WDR70: variants seen among roughly 807,000 people sequenced by gnomAD.
The protein encoded by WDR70 is WD repeat-containing protein 70.
A neutral mutation model predicts 88.6 loss-of-function variants in WDR70; 53 were observed. That is an observed-to-expected ratio of 0.60 (90% CI 0.48 to 0.75). The LOEUF (loss-of-function observed/expected upper bound fraction) is 0.75. Ranked by LOEUF, WDR70 falls within the 30% of genes least tolerant of loss-of-function variation. The pLI, the probability that WDR70 is intolerant of heterozygous loss-of-function variation, is 0.00. For missense variants in WDR70, 610 were observed against 823.2 expected, an observed-to-expected ratio of 0.74 and a Z score of 3.17; for synonymous variants, 280 against 270.0, an observed-to-expected ratio of 1.04 and a Z score of -0.36.
chr5:37,450,231 A>T (rs1738632651), intron 7 of WDR70, among the ~76,000 whole-genome samples: 2 of 152,192 alleles, frequency 1.3e-5, no homozygotes, highest in South Asian at 4.1e-4. Context: ...TCTTTATAGT[A>T]GAATGATTTA....
At chr5:37,525,829 C>G (rs1741250498) in intron 9 of WDR70, among the ~76,000 whole-genome samples, 1 of 152,152 alleles carries the variant, frequency 6.6e-6, no homozygotes, top group Admixed American at 6.5e-5. Flanking sequence ...GAAATACAAA[C>G]TACCATCAGA....
chr5:37,460,690 T>TAA (rs70978819), intron 7 of WDR70, among the ~76,000 whole-genome samples: 81 of 121,564 alleles, frequency 6.7e-4, no homozygotes, highest in Admixed American at 2.5e-3. Flanking sequence ...TAGAGTATAA[T>TAA]AAAAAAAAAC....
intron 13 of WDR70, among the ~76,000 whole-genome samples, chr5:37,708,881 G>A (rs1447655963): frequency 2.0e-5 from 3 of 152,176 alleles, no homozygotes; most frequent in African/African-American, 7.2e-5. Flanking sequence ...TACTATGCCT[G>A]TGAAAGTTTG....
chr5:37,729,946 G>C (rs1318725423), intron 17 of WDR70, among the ~76,000 whole-genome samples: 2 of 152,020 alleles, frequency 1.3e-5, no homozygotes, highest in East Asian at 3.9e-4. Flanking sequence ...TTTAGTTCCT[G>C]GTGTATCTTT....
chr5:37,502,992 C>T (rs895519028), intron 8 of WDR70, among the ~76,000 whole-genome samples: 11 of 152,170 alleles, frequency 7.2e-5, no homozygotes, highest in African/African-American at 2.4e-4. Flanking sequence ...GGGACAAATA[C>T]ACAAACTATA....
At chr5:37,466,282 T>C (rs1431814512) in intron 7 of WDR70, among the ~76,000 whole-genome samples, 1 of 152,214 alleles carries the variant, frequency 6.6e-6, no homozygotes, top group Non-Finnish European at 1.5e-5. Flanking sequence ...TCATTTTTCA[T>C]CTATATTATG....
At chr5:37,425,296 G>C (rs1362457619) in intron 5 of WDR70, among the ~76,000 whole-genome samples, 1 of 152,202 alleles carries the variant, frequency 6.6e-6, no homozygotes, top group East Asian at 1.9e-4. Flanking sequence ...AAAGCTGTAA[G>C]TGCTATAGGG....
At chr5:37,542,780 T>C (rs1016670370) in intron 9 of WDR70, among the ~76,000 whole-genome samples, 3 of 152,174 alleles carry the variant, frequency 2.0e-5, no homozygotes, top group Non-Finnish European at 4.4e-5. Flanking sequence ...TAAAGATACA[T>C]TTTTGGGACA....
At chr5:37,476,842 C>T (rs1401899385) in intron 7 of WDR70, among the ~76,000 whole-genome samples, 2 of 151,938 alleles carry the variant, frequency 1.3e-5, no homozygotes, top group Non-Finnish European at 2.9e-5. Flanking sequence ...CTGGCCTTTT[C>T]TTCTTTTTTT....
chr5:37,685,055 A>G (rs1252345767), intron 10 of WDR70, among the ~76,000 whole-genome samples: 1 of 151,780 alleles, frequency 6.6e-6, no homozygotes, highest in Non-Finnish European at 1.5e-5. Context: ...TTGGCTGCTC[A>G]GGGTTGGGGA....
At chr5:37,738,804 A>G (rs972378023) in intron 17 of WDR70, among the ~76,000 whole-genome samples, 4 of 152,320 alleles carry the variant, frequency 2.6e-5, no homozygotes, top group Non-Finnish European at 5.9e-5. Context: ...ATCAAGGGGA[A>G]ATTTAATCAG....
intron 17 of WDR70, among the ~76,000 whole-genome samples, chr5:37,751,221 T>C (rs1175522591): frequency 1.3e-5 from 2 of 152,198 alleles, no homozygotes; most frequent in African/African-American, 2.4e-5. Context: ...TGTTGTAGCA[T>C]GTTAGAAAGC....
intron 6 of WDR70, among the ~76,000 whole-genome samples, chr5:37,439,771 C>T (rs1349078890): frequency 6.6e-6 from 1 of 151,786 alleles, no homozygotes; most frequent in Non-Finnish European, 1.5e-5. Flanking sequence ...TAAGGCCAAT[C>T]TTATTTCTTT....
At chr5:37,722,364 C>T (rs1747846746) in intron 14 of WDR70, 1 of 159,662 alleles carries the variant, frequency 6.3e-6, no homozygotes, top group Admixed American at 6.1e-5. Flanking sequence ...TTGGTTAATC[C>T]CACACATTCT....
intron 5 of WDR70, 80 bp downstream of exon 5, chr5:37,396,650 C>A: frequency 5.5e-6 from 8 of 1,446,334 alleles, no homozygotes; most frequent in Non-Finnish European, 7.2e-6. Context: ...AACTGTTTTT[C>A]ATGAGTAAGA....
At chr5:37,648,112 T>A (rs903989465) in intron 10 of WDR70, among the ~76,000 whole-genome samples, 3 of 152,212 alleles carry the variant, frequency 2.0e-5, no homozygotes, top group Admixed American at 2.0e-4. Flanking sequence ...TGTAGGCATG[T>A]TCTTTATCTG....
At chr5:37,472,590 G>A (rs1446015286) in intron 7 of WDR70, among the ~76,000 whole-genome samples, 1 of 152,016 alleles carries the variant, frequency 6.6e-6, no homozygotes, top group South Asian at 2.1e-4. Flanking sequence ...TGCCTCCCGG[G>A]TTCAAGAAAT....
At chr5:37,728,440 C>T (rs1254619394) in intron 17 of WDR70, among the ~76,000 whole-genome samples, 4 of 151,610 alleles carry the variant, frequency 2.6e-5, no homozygotes, top group Non-Finnish European at 5.9e-5. Context: ...TTTCTCTGTT[C>T]CAGGATCCCA....
chr5:37,544,660 T>C (rs1741933217), intron 9 of WDR70, among the ~76,000 whole-genome samples: 2 of 152,164 alleles, frequency 1.3e-5, no homozygotes, highest in African/African-American at 4.8e-5. Context: ...AGTTTTAGAT[T>C]CCTATAAAAT....
Sources: allele counts gnomAD v4.1 joint callset (sites outside exome capture counted in the v4.1 genomes callset), GRCh38; gene constraint gnomAD v4.1.1; transcripts MANE v1.5; gene names NCBI Gene and HGNC (gene_info 2026-07-23, HGNC 2026-07-21).